Variants in IL1RL2 observed in about 807,000 individuals in gnomAD.
IL1RL2 encodes the protein interleukin 1 receptor like 2, also known as interleukin-1 receptor-like 2.
IL1RL2 carries 68 observed loss-of-function variants against 66.8 expected under a neutral mutation model. That is an observed-to-expected ratio of 1.02 (90% CI 0.84 to 1.25). IL1RL2 has a LOEUF of 1.25. Among genes scored for constraint, IL1RL2 ranks in the 50% most tolerant of loss-of-function variants. The pLI is 0.00. For missense variants in IL1RL2, 729 were observed against 709.3 expected, an observed-to-expected ratio of 1.03 and a Z score of -0.32; for synonymous variants, 305 against 264.6, an observed-to-expected ratio of 1.15 and a Z score of -1.48.
intron 4 of IL1RL2, among the ~76,000 whole-genome samples, chr2:102,198,585 A>T (rs973301229): frequency 6.6e-6 from 1 of 151,962 alleles, no homozygotes; most frequent in Admixed American, 6.6e-5. Flanking sequence ...ATTGCTGGGC[A>T]CTCCCATCAG....
downstream of IL1RL2, among the ~76,000 whole-genome samples, chr2:102,242,611 CCTT>C (rs759462160): frequency 1.8e-4 from 28 of 152,172 alleles, no homozygotes; most frequent in Non-Finnish European, 3.2e-4. Flanking sequence ...AAGAATTCCT[CCTT>C]CTTCTGCTTT....
At position 102,222,202 on chromosome 2, in the gene IL1RL2, T is replaced by A. The variant is rs560814975; in HGVS notation, c.991+2185T>A. ...TTATCAGTGTATCACTGATATAGCATGTAGCTTAGTTCATTAATTTACGTT... is the reference window on the plus strand; with the variant it reads ...TTATCAGTGTATCACTGATATAGCAAGTAGCTTAGTTCATTAATTTACGTT... On this transcript the variant is annotated intron_variant, in intron 8 of 11. Coordinates refer to ENST00000264257, the MANE Select transcript of IL1RL2 (RefSeq NM_003854.4). 5.3e-5 allele frequency among the ~76,000 whole-genome samples: 8 copies of A among 152,364 alleles called. No homozygotes were observed. In the South Asian group the frequency reaches 1.7e-3, roughly 32 times the overall value.
chr2:102,207,716 T>C (rs962265328), intron 5 of IL1RL2, among the ~76,000 whole-genome samples: 7 of 152,238 alleles, frequency 4.6e-5, no homozygotes, highest in African/African-American at 1.7e-4. Context: ...AGAGGGGTGA[T>C]GCCCACACTC....
chr2:102,219,012 T>G lies in IL1RL2; in HGVS notation c.784T>G (p.Cys262Gly). The change falls in exon 7 of 12, where the codon TGC becomes GGC. Residue 262 changes from cysteine (C) to glycine (G), a missense_variant. Coordinates refer to ENST00000264257, the MANE Select transcript of IL1RL2 (RefSeq NM_003854.4). ...TDTKDNTNLR[C>G]WRVNNTLVDD... is the part of the protein sequence containing the mutation. The stretch of plus-strand genomic sequence containing the variant: ...CACCAAGGATAATACAAATCTACGA[T>G]GCTGGAGAGTCAATAACACTTTGGT... The G allele has an allele frequency of 1.2e-6, 2 of 1,613,784 alleles. No individual in the cohort carries two copies. Among genetic ancestry groups the G allele is most frequent in the Non-Finnish European group, 1.7e-6 (2 of 1,179,686 alleles).
chr2:102,195,424 AT>A (rs917020792), intron 4 of IL1RL2, among the ~76,000 whole-genome samples: 2 of 151,022 alleles, frequency 1.3e-5, no homozygotes, highest in African/African-American at 4.9e-5. Flanking sequence ...GTCAAATGTA[AT>A]TTTTTTCTCT....
chr2:102,238,278 C>T (rs1009323155), intron 11 of IL1RL2, among the ~76,000 whole-genome samples: 2 of 152,130 alleles, frequency 1.3e-5, no homozygotes, highest in African/African-American at 4.8e-5. Flanking sequence ...CCTTTGGTAT[C>T]TCCCCTCAAA....
intron 10 of IL1RL2, 54 bp from the exon 11 acceptor site, chr2:102,234,843 G>T: frequency 6.7e-7 from 1 of 1,484,882 alleles, no homozygotes; most frequent in South Asian, 1.2e-5. Context: ...CTAGCATTAA[G>T]ACCCGGGCTG....
At chr2:102,214,850 C>T (rs1270492136) in intron 6 of IL1RL2, among the ~76,000 whole-genome samples, 1 of 152,196 alleles carries the variant, frequency 6.6e-6, no homozygotes, top group African/African-American at 2.4e-5. Context: ...CACTAATTCC[C>T]GTACAAAAGG....
intron 4 of IL1RL2, among the ~76,000 whole-genome samples, chr2:102,195,102 T>C (rs1461907987): frequency 3.3e-5 from 5 of 152,228 alleles, no homozygotes. Flanking sequence ...TGGCCCGTTG[T>C]GTGGTTTGCT....
chr2:102,228,918 G>C (rs1475233404), intron 9 of IL1RL2, among the ~76,000 whole-genome samples: 2 of 152,192 alleles, frequency 1.3e-5, no homozygotes, highest in African/African-American at 4.8e-5. Flanking sequence ...AAAGGGCATG[G>C]TGTAGGGAAG....
At chr2:102,188,339 C>G (rs894786002) in intron 2 of IL1RL2, among the ~76,000 whole-genome samples, 1 of 152,154 alleles carries the variant, frequency 6.6e-6, no homozygotes, top group Non-Finnish European at 1.5e-5. Flanking sequence ...AATCCCAGTA[C>G]TTTGGGAGGC....
At chr2:102,215,232 C>A (rs1045412548) in intron 6 of IL1RL2, among the ~76,000 whole-genome samples, 7 of 152,158 alleles carry the variant, frequency 4.6e-5, no homozygotes, top group African/African-American at 7.2e-5. Context: ...TTGTGCATAC[C>A]CTTATCCCCT....
intron 3 of IL1RL2, among the ~76,000 whole-genome samples, 153 bp downstream of exon 3, chr2:102,189,463 T>A (rs1219064888): frequency 6.6e-6 from 1 of 152,266 alleles, no homozygotes; most frequent in East Asian, 1.9e-4. Context: ...AACACATTTT[T>A]AAACAGAACA....
At chr2:102,200,048 T>C (rs1223902694) in intron 4 of IL1RL2, among the ~76,000 whole-genome samples, 1 of 146,568 alleles carries the variant, frequency 6.8e-6, no homozygotes, top group Admixed American at 7.1e-5. Flanking sequence ...TCCCAGCTAC[T>C]CGGGAGGCTG....
intron 4 of IL1RL2, among the ~76,000 whole-genome samples, chr2:102,198,065 A>C (rs898819619): frequency 6.6e-6 from 1 of 152,222 alleles, no homozygotes; most frequent in Non-Finnish European, 1.5e-5. Flanking sequence ...AAATCCAGAC[A>C]GAGATATATG....
At chr2:102,235,530 C>T (rs746779292) in intron 11 of IL1RL2, 120 of 985,336 alleles carry the variant, frequency 1.2e-4, no homozygotes, top group Non-Finnish European at 1.3e-4. Flanking sequence ...CATGCCCACT[C>T]ACTGAGGCCT....
At chr2:102,210,563 A>C (rs995928615) in intron 5 of IL1RL2, among the ~76,000 whole-genome samples, 1 of 152,146 alleles carries the variant, frequency 6.6e-6, no homozygotes, top group African/African-American at 2.4e-5. Flanking sequence ...AGATGGAGAG[A>C]TATGGATGGG....
intron 6 of IL1RL2, among the ~76,000 whole-genome samples, chr2:102,216,187 G>T (rs1415136967): frequency 6.6e-6 from 1 of 152,128 alleles, no homozygotes; most frequent in Non-Finnish European, 1.5e-5. Context: ...TCAACAGATA[G>T]ATATTATAAA....
At chr2:102,237,498 C>T (rs6543112) in intron 11 of IL1RL2, among the ~76,000 whole-genome samples, 12,492 of 152,230 alleles carry the variant, frequency 0.082, 781 homozygotes, top group African/African-American at 0.17. Flanking sequence ...GAGAAGAGAA[C>T]GGCAGCGAGT....
Sources: allele counts gnomAD v4.1 joint callset (sites outside exome capture counted in the v4.1 genomes callset), GRCh38; gene constraint gnomAD v4.1.1; transcripts MANE v1.5; gene names NCBI Gene and HGNC (gene_info 2026-07-23, HGNC 2026-07-21).